PRRC2B: variants seen among roughly 807,000 people sequenced by gnomAD.
PRRC2B encodes the protein proline rich coiled-coil 2B.
Under a neutral mutation model 242.3 loss-of-function variants are expected in PRRC2B, and 68 were observed. That is an observed-to-expected ratio of 0.28 (90% CI 0.23 to 0.34). The LOEUF (loss-of-function observed/expected upper bound fraction) is 0.34, where lower values mean the gene tolerates loss of function less well. Among genes scored for constraint, PRRC2B ranks in the 10% least tolerant of loss-of-function variants. The pLI is 1.00. For synonymous variants in PRRC2B, 1,228 were observed against 1,173.6 expected (o/e 1.05, Z -0.95); for missense variants, 2,835 against 2,954.8 (o/e 0.96, Z 0.94).
intron 4 of PRRC2B, 41 bp downstream of exon 4, chr9:131,436,763 G>A: frequency 6.6e-7 from 1 of 1,517,674 alleles, no homozygotes; most frequent in Middle Eastern, 1.7e-4. Context: ...CCTGGGCATG[G>A]TAGCCCCTAA....
At chr9:131,454,885 C>G (rs1424999407) in intron 9 of PRRC2B, among the ~76,000 whole-genome samples, 191 bp from the exon 10 acceptor site, 1 of 149,434 alleles carries the variant, frequency 6.7e-6, no homozygotes, top group African/African-American at 2.6e-5. Flanking sequence ...CCGCCCACCT[C>G]AGCCTCGCAA....
At position 131,464,982 on chromosome 9, in the gene PRRC2B, G is replaced by T. The variant is rs745386263; in HGVS notation, c.1624G>T (p.Ala542Ser). ...LDQKCKQARK[A>S]GEARKQAEKE... ...CCAGAAGTGTAAGCAGGCACGAAAG[G>T]CAGGTGAGGCCCGGAAGCAGGCAGA... is the stretch of plus-strand genomic sequence containing the variant. Residue 542 changes from alanine (A) to serine (S), a missense_variant, in exon 12 of 32, where the codon GCA (alanine) becomes TCA (serine). This residue lies in a region of PRRC2B where 1,536 missense variants were observed against 1,483.1 expected (regional missense o/e 1.04). Coordinates refer to ENST00000683519, the MANE Select transcript of PRRC2B (RefSeq NM_013318.4). 6.2e-7 allele frequency: 1 copy of T among 1,613,988 alleles called. No homozygotes were observed. The highest frequency in any genetic ancestry group is 1.7e-5 in the Admixed American group (1 of 60,018).
chr9:131,487,889 G>A lies in PRRC2B; in HGVS notation c.6018G>A (p.Pro2006=), dbSNP rs149406199. 5.5e-4 allele frequency: 888 copies of A among 1,613,054 alleles called. 2 individuals carry two copies. The African/African-American group carries it at 8.4e-3, about 15-fold the overall frequency. ...SQVYMHPSLS[P]PSTMILSGGT... is the part of the protein sequence containing the mutation. ...TGTACATGCACCCCAGCCTGTCACC[G>A]CCCAGCACCATGATCCTCTCTGGGG... Residue 2006 remains proline (P), a synonymous_variant, in exon 28 of 32, where the codon CCG becomes CCA. Transcript: ENST00000683519. The surrounding 1 kb of genome is among the most constrained non-coding windows in gnomAD (Gnocchi z 5.3).
At chr9:131,469,946 A>G (rs901536367) in intron 13 of PRRC2B, among the ~76,000 whole-genome samples, 5 of 152,206 alleles carry the variant, frequency 3.3e-5, no homozygotes, top group African/African-American at 1.2e-4. Flanking sequence ...TGAGTGCAAC[A>G]AAGGAGCACT....
Position 131,475,520 on chromosome 9 carries a change from G to T in PRRC2B, c.3391G>T (p.Ala1131Ser). The T allele has an allele frequency of 6.2e-7, 1 of 1,610,680 alleles. No homozygotes were observed. The highest frequency in any genetic ancestry group is 8.5e-7 in the Non-Finnish European group (1 of 1,178,792). ...CPRAKPRRRV[A>S]SETHSEGSEY... ...CAGAGCCAAGCCCCGACGGAGAGTTGCCAGTGAGACCCATAGCGAGGGCTC... is the reference window on the plus strand; with the variant it reads ...CAGAGCCAAGCCCCGACGGAGAGTTTCCAGTGAGACCCATAGCGAGGGCTC... Residue 1131 changes from alanine to serine, a missense_variant, in exon 16 of 32, where the codon GCC (alanine) becomes TCC (serine). Physicochemically the swap from Ala to Ser is moderately conservative, Grantham distance 99. This residue lies in a region of PRRC2B where 1,536 missense variants were observed against 1,483.1 expected (regional missense o/e 1.04). Coordinates refer to ENST00000683519, the MANE Select transcript of PRRC2B (RefSeq NM_013318.4).
chr9:131,471,487 A>C (rs1050864952), intron 14 of PRRC2B, among the ~76,000 whole-genome samples: 1 of 152,136 alleles, frequency 6.6e-6, no homozygotes, highest in African/African-American at 2.4e-5. Context: ...TTTCTAATGT[A>C]GTTGCTCTGT....
intron 1 of PRRC2B, among the ~76,000 whole-genome samples, chr9:131,382,707 TG>T (rs1405710334): frequency 6.6e-6 from 1 of 151,060 alleles, no homozygotes; most frequent in Non-Finnish European, 1.5e-5. Context: ...TGCAGTGGTG[TG>T]ATCTCGGCTC....
At chr9:131,480,089 A>G (rs1323750425) in intron 19 of PRRC2B, among the ~76,000 whole-genome samples, 2 of 152,202 alleles carry the variant, frequency 1.3e-5, no homozygotes, top group African/African-American at 4.8e-5. Context: ...TCGATATTTC[A>G]CAGCTCAGGC....
chr9:131,424,578 C>T (rs925337606), intron 1 of PRRC2B, among the ~76,000 whole-genome samples: 5 of 151,978 alleles, frequency 3.3e-5, no homozygotes, highest in Non-Finnish European at 5.9e-5. Flanking sequence ...CCCAGCTACT[C>T]GGGAGGCTGA....
chr9:131,431,344 TC>T (rs1838164250), intron 2 of PRRC2B, among the ~76,000 whole-genome samples: 1 of 151,376 alleles, frequency 6.6e-6, no homozygotes, highest in Admixed American at 6.6e-5. Flanking sequence ...GTTAGCCAGA[TC>T]GGTCTTGATC....
At position 131,497,909 on chromosome 9, in the gene PRRC2B, C is replaced by T. The variant is rs2131497728; in HGVS notation, c.*2035C>T. 1 of 152,488 alleles carries T rather than the reference C, an allele frequency of 6.6e-6. No individual in the cohort carries two copies. Among genetic ancestry groups the T allele is most frequent in the African/African-American group, 2.4e-5 (1 of 41,576 alleles). The allele number at this position is 152,488 out of a possible 1,614,324, so 9.4% of individuals were successfully genotyped here. A position where few individuals can be genotyped will look rare whatever the true frequency, so the allele number is the denominator to read the frequency against. The stretch of plus-strand genomic sequence containing the variant: ...GCTTGTGGGGCCTGGGATGAGCCCT[C>T]TCTGTCCCCACCGGCCCTCCTTGCC... On this transcript the variant is annotated 3_prime_UTR_variant, in exon 32 of 32. Transcript: ENST00000683519.
chr9:131,476,427 G>A lies in PRRC2B; in HGVS notation c.4298G>A (p.Arg1433Gln), dbSNP rs748973480. 12 of 1,611,530 alleles carry A rather than the reference G, an allele frequency of 7.4e-6. No individual in the cohort carries two copies. Among genetic ancestry groups the A allele is most frequent in the South Asian group, 1.1e-5 (1 of 90,696 alleles). The change falls in exon 16 of 32, where the codon CGA (arginine) becomes CAA (glutamine). Residue 1433 changes from arginine to glutamine, a missense_variant. Arg to Gln is a conservative substitution (Grantham distance 43). Coordinates refer to ENST00000683519, the MANE Select transcript of PRRC2B (RefSeq NM_013318.4). ...SQRPVVDRQS[R>Q]KLEPGGFGEK... ...AGACCCGTGGTTGACAGACAGAGCC[G>A]AAAGCTGGAGCCGGGAGGGTTTGGG...
intron 1 of PRRC2B, among the ~76,000 whole-genome samples, chr9:131,428,497 A>G (rs1838034469): frequency 6.6e-6 from 1 of 152,196 alleles, no homozygotes; most frequent in East Asian, 1.9e-4. Flanking sequence ...CCCGGCTTCA[A>G]GCAATTCTCA....
At position 131,467,609 on chromosome 9, in the gene PRRC2B, A is replaced by G. The variant is rs763288833; in HGVS notation, c.1767A>G (p.Glu589=). 5.6e-6 allele frequency: 9 copies of G among 1,613,270 alleles called. No individual in the cohort carries two copies. In the South Asian group the frequency reaches 8.8e-5, roughly 16 times the overall value. The stretch of plus-strand genomic sequence containing the variant: ...AAGAGACCCCCACCACATTCCCAGA[A>G]GAGGCACCCACAGTGTCCCCAGCAG... The part of the protein sequence containing the change: ...PAQETPTTFP[E]EAPTVSPAVA... The change falls in exon 13 of 32, where the codon GAA becomes GAG. Residue 589 remains glutamate, a synonymous_variant. Transcript: ENST00000683519.
At chr9:131,455,878 C>T (rs1943059703) in intron 10 of PRRC2B, among the ~76,000 whole-genome samples, 5 of 151,886 alleles carry the variant, frequency 3.3e-5, no homozygotes. Context: ...TTTGGGAGGC[C>T]GAGGCAGGTG....
At chr9:131,456,233 ATCATT>A (rs1943072756) in intron 10 of PRRC2B, among the ~76,000 whole-genome samples, 1 of 118,486 alleles carries the variant, frequency 8.4e-6, no homozygotes, top group African/African-American at 3.4e-5. Flanking sequence ...TTTTTTTTGG[ATCATT>A]TCCTTGGACT....
chr9:131,494,613 A>T lies in PRRC2B; in HGVS notation c.6555+127A>T. 2 of 586,972 alleles carry T rather than the reference A, an allele frequency of 3.4e-6. No individual in the cohort carries two copies. Among genetic ancestry groups the T allele is most frequent in the South Asian group, 2.1e-5 (1 of 47,130 alleles). 36.4% of individuals were successfully genotyped at this position (586,972 alleles called of 1,614,324 possible). The stretch of plus-strand genomic sequence containing the variant: ...TAAAGACAGCCATGCCCTAGCGGTT[A>T]GAGCACAGAACCGGGAGCTGGGCCG... On this transcript the variant is annotated intron_variant, in intron 31 of 31. Transcript: ENST00000683519. This position sits in a 1 kb window ranked among gnomAD's most constrained non-coding sequence, Gnocchi z 4.3.
At position 131,482,770 on chromosome 9, in the gene PRRC2B, C is replaced by T. The variant is rs1467351802; in HGVS notation, c.5236C>T (p.Arg1746Cys). 6.2e-7 allele frequency: 1 copy of T among 1,611,916 alleles called. No homozygotes were observed. Among genetic ancestry groups the T allele is most frequent in the Non-Finnish European group, 8.5e-7 (1 of 1,178,956 alleles). Residue 1746 changes from arginine (R) to cysteine (C), a missense_variant, in exon 22 of 32, where the codon CGT becomes TGT. Arg to Cys is a radical substitution (Grantham distance 180, BLOSUM62 -3). Coordinates refer to ENST00000683519, the MANE Select transcript of PRRC2B (RefSeq NM_013318.4). This position sits in a 1 kb window ranked among gnomAD's most constrained non-coding sequence, Gnocchi z 5.2. Reference protein sequence around the residue: ...EHRPGPIGNERSLKNRKGSEG... With the variant: ...EHRPGPIGNECSLKNRKGSEG... The stretch of plus-strand genomic sequence containing the variant: ...CAGACCAGGACCCATCGGCAACGAG[C>T]GTTCTCTGAAAAACAGAAAGGGCTC...
upstream of PRRC2B, among the ~76,000 whole-genome samples, chr9:131,393,190 T>C (rs1836934466): frequency 6.6e-6 from 1 of 152,142 alleles, no homozygotes; most frequent in African/African-American, 2.4e-5. Context: ...TGCCCCTGGG[T>C]TAGGATTAAG....
Sources: gnomAD v4.1 joint callset for allele counts (sites outside exome capture counted in the v4.1 genomes callset) on GRCh38, gnomAD v4.1.1 for gene constraint, gnomAD v4.1.1 regional missense constraint, Gnocchi (gnomAD v3.1) non-coding constraint, MANE v1.5 for transcripts, NCBI Gene and HGNC (gene_info 2026-07-23, HGNC 2026-07-21) for gene names.